MAGI3: variants seen among roughly 807,000 people sequenced by gnomAD.
MAGI3 encodes membrane-associated guanylate kinase, WW and PDZ domain-containing protein 3.
Under a neutral mutation model 121.8 loss-of-function variants are expected in MAGI3, and 43 were observed. The observed-to-expected ratio is 0.35, with a 90% CI of 0.28 to 0.46. The LOEUF is 0.46. Ranked by LOEUF, MAGI3 falls within the 20% of genes least tolerant of loss-of-function variation. The pLI is 1.00. For synonymous variants in MAGI3, 553 were observed against 639.3 expected, an observed-to-expected ratio of 0.86 and a Z score of 2.04; for missense variants, 1,547 against 1,797.3, an observed-to-expected ratio of 0.86 and a Z score of 2.52.
At chr1:113,601,836 C>T (rs374789244) in intron 6 of MAGI3, among the ~76,000 whole-genome samples, 3 of 144,938 alleles carry the variant, frequency 2.1e-5, no homozygotes, top group African/African-American at 5.2e-5. Flanking sequence ...TGTCCAACAA[C>T]GATAGACTGG....
At chr1:113,395,640 G>GTA (rs941362063) in intron 1 of MAGI3, among the ~76,000 whole-genome samples, 7 of 151,102 alleles carry the variant, frequency 4.6e-5, no homozygotes, top group Admixed American at 1.3e-4. Context: ...ATACGTGTGT[G>GTA]TATATATATA....
chr1:113,503,166 T>A (rs1255399565), intron 1 of MAGI3, among the ~76,000 whole-genome samples: 4 of 58,742 alleles, frequency 6.8e-5, no homozygotes, highest in African/African-American at 3.3e-4. Context: ...CATGTATACA[T>A]ATGTAACTAA....
chr1:113,664,675 T>C (rs1557881404), intron 16 of MAGI3, among the ~76,000 whole-genome samples: 1 of 152,222 alleles, frequency 6.6e-6, no homozygotes, highest in Non-Finnish European at 1.5e-5. Context: ...CAGCAAAACA[T>C]TGAGGATTCT....
chr1:113,661,071 T>C (rs1256613060), intron 16 of MAGI3, among the ~76,000 whole-genome samples: 2 of 152,190 alleles, frequency 1.3e-5, no homozygotes, highest in Non-Finnish European at 2.9e-5. Context: ...TATTAGCTAG[T>C]TACATGACAA....
At chr1:113,479,810 G>A (rs925890982) in intron 1 of MAGI3, among the ~76,000 whole-genome samples, 1 of 151,480 alleles carries the variant, frequency 6.6e-6, no homozygotes, top group African/African-American at 2.4e-5. Flanking sequence ...CTCTGACTGG[G>A]TAATTTTAAA....
At chr1:113,397,669 A>G (rs1483963621) in intron 1 of MAGI3, among the ~76,000 whole-genome samples, 1 of 152,208 alleles carries the variant, frequency 6.6e-6, no homozygotes, top group East Asian at 1.9e-4. Context: ...GTTTAAATGT[A>G]TAGGTAGTTC....
intron 1 of MAGI3, among the ~76,000 whole-genome samples, chr1:113,504,729 T>C (rs972492281): frequency 7.9e-5 from 12 of 152,068 alleles, no homozygotes; most frequent in African/African-American, 2.9e-4. Context: ...CCCTAAGAAA[T>C]AAAAGTACTG....
chr1:113,435,042 C>A (rs1274414690), intron 1 of MAGI3, among the ~76,000 whole-genome samples: 2 of 152,092 alleles, frequency 1.3e-5, no homozygotes, highest in Non-Finnish European at 2.9e-5. Flanking sequence ...GTTTTACATA[C>A]CAAGTATGTT....
At chr1:113,617,997 G>A (rs1226093384) in intron 7 of MAGI3, among the ~76,000 whole-genome samples, 2 of 152,134 alleles carry the variant, frequency 1.3e-5, no homozygotes, top group East Asian at 1.9e-4. Flanking sequence ...CTGATATGTA[G>A]TAGTAGCCTG....
intron 2 of MAGI3, among the ~76,000 whole-genome samples, chr1:113,571,330 G>A (rs980216891): frequency 6.6e-5 from 10 of 152,064 alleles, no homozygotes; most frequent in African/African-American, 2.2e-4. Context: ...GTGGTGTGAC[G>A]CCTCCAGCTT....
intron 11 of MAGI3, 74 bp from the exon 12 acceptor site, chr1:113,646,412 C>A: frequency 8.0e-7 from 1 of 1,242,278 alleles, no homozygotes; most frequent in Non-Finnish European, 1.1e-6. Context: ...ATATCCATTT[C>A]AGATATCAGT....
chr1:113,639,538 A>G (rs1652308963), intron 9 of MAGI3, among the ~76,000 whole-genome samples: 1 of 152,040 alleles, frequency 6.6e-6, no homozygotes, highest in Non-Finnish European at 1.5e-5. Context: ...AGTACCTGGG[A>G]TTACAGGCGC....
intron 1 of MAGI3, among the ~76,000 whole-genome samples, chr1:113,492,894 A>G (rs1050696825): frequency 1.3e-5 from 2 of 152,202 alleles, no homozygotes; most frequent in Non-Finnish European, 2.9e-5. Context: ...GAAATCAGAG[A>G]TGACACAAAC....
intron 8 of MAGI3, 88 bp from the exon 9 acceptor site, chr1:113,622,718 A>G: frequency 2.7e-6 from 3 of 1,093,902 alleles, no homozygotes; most frequent in Non-Finnish European, 3.9e-6. Context: ...TGAGAATAAC[A>G]TTAAAAAGTC....
At chr1:113,495,735 G>A (rs1326984591) in intron 1 of MAGI3, among the ~76,000 whole-genome samples, 1 of 152,118 alleles carries the variant, frequency 6.6e-6, no homozygotes, top group Non-Finnish European at 1.5e-5. Context: ...GTTTATGTTT[G>A]TTATTAGGGA....
chr1:113,494,264 GA>G (rs1434936996), intron 1 of MAGI3, among the ~76,000 whole-genome samples: 2 of 152,100 alleles, frequency 1.3e-5, no homozygotes, highest in Non-Finnish European at 2.9e-5. Context: ...CACAGGAACA[GA>G]AAACCAAATA....
At chr1:113,429,384 G>A (rs921671479) in intron 1 of MAGI3, among the ~76,000 whole-genome samples, 7 of 152,216 alleles carry the variant, frequency 4.6e-5, no homozygotes, top group Non-Finnish European at 7.3e-5. Context: ...TGTAGTTATT[G>A]AAATGAAAGT....
intron 16 of MAGI3, among the ~76,000 whole-genome samples, chr1:113,667,296 C>T (rs1416686926): frequency 2.6e-5 from 4 of 152,218 alleles, no homozygotes; most frequent in Non-Finnish European, 5.9e-5. Context: ...AGTGTAGCCA[C>T]CTTCACCAAT....
At chr1:113,406,153 A>T (rs1196949059) in intron 1 of MAGI3, among the ~76,000 whole-genome samples, 2 of 151,854 alleles carry the variant, frequency 1.3e-5, no homozygotes, top group African/African-American at 2.4e-5. Flanking sequence ...AAAAAAAAAT[A>T]GTGGGCCGGA....
Sources: allele counts gnomAD v4.1 joint callset (sites outside exome capture counted in the v4.1 genomes callset), GRCh38; gene constraint gnomAD v4.1.1; transcripts MANE v1.5; gene names NCBI Gene and HGNC (gene_info 2026-07-23, HGNC 2026-07-21).